Variants in CSMD1 observed in about 807,000 individuals in gnomAD.
CSMD1 encodes CUB and Sushi multiple domains 1.
A neutral mutation model predicts 417.5 loss-of-function variants in CSMD1; 213 were observed. That is an observed-to-expected ratio of 0.51 (90% confidence interval 0.46 to 0.57). CSMD1 has a LOEUF of 0.57. Among genes scored for constraint, CSMD1 ranks in the 20% least tolerant of loss-of-function variants. The pLI is 0.00. For synonymous variants in CSMD1, 2,862 were observed against 1,736.8 expected (o/e 1.65, Z -16.11); for missense variants, 6,923 against 4,529.7 (o/e 1.53, Z -15.17).
At chr8:3,657,789 A>G (rs1798205506) in intron 7 of CSMD1, among the ~76,000 whole-genome samples, 1 of 152,142 alleles carries the variant, frequency 6.6e-6, no homozygotes, top group Non-Finnish European at 1.5e-5. Flanking sequence ...GCACGTGTAT[A>G]ACTATGTAAC....
intron 5 of CSMD1, among the ~76,000 whole-genome samples, chr8:3,863,539 C>T (rs1196106066): frequency 6.6e-6 from 1 of 152,034 alleles, no homozygotes; most frequent in Non-Finnish European, 1.5e-5. Flanking sequence ...TTTAGGAGGA[C>T]ACCAACATTC....
At chr8:4,018,221 T>A (rs1185677151) in intron 4 of CSMD1, among the ~76,000 whole-genome samples, 2 of 152,100 alleles carry the variant, frequency 1.3e-5, no homozygotes, top group Non-Finnish European at 2.9e-5. Context: ...AGAATTATAT[T>A]TTCAGGATTC....
intron 25 of CSMD1, among the ~76,000 whole-genome samples, chr8:3,302,557 G>A (rs6558760): frequency 3.9e-5 from 6 of 152,050 alleles, no homozygotes; most frequent in African/African-American, 4.8e-5. Flanking sequence ...TGCAATTCCC[G>A]TTTTTTAAGA....
At chr8:3,841,377 C>T (rs1005452658) in intron 5 of CSMD1, among the ~76,000 whole-genome samples, 1 of 152,270 alleles carries the variant, frequency 6.6e-6, no homozygotes, top group South Asian at 2.1e-4. Context: ...ATGTGGTTCT[C>T]AACCTCAAGC....
chr8:3,413,193 G>A (rs1478993997), intron 12 of CSMD1, among the ~76,000 whole-genome samples: 2 of 152,206 alleles, frequency 1.3e-5, no homozygotes, highest in Non-Finnish European at 2.9e-5. Flanking sequence ...AGCCTTAAAT[G>A]TTTCATTCTG....
intron 3 of CSMD1, among the ~76,000 whole-genome samples, chr8:4,062,736 A>G (rs1176680626): frequency 1.4e-5 from 2 of 147,686 alleles, no homozygotes; most frequent in African/African-American, 4.9e-5. Context: ...ATCAAATTCA[A>G]AAAAAAAAAA....
At chr8:3,274,143 G>T (rs1340255200) in intron 26 of CSMD1, among the ~76,000 whole-genome samples, 3 of 151,760 alleles carry the variant, frequency 2.0e-5, no homozygotes, top group Non-Finnish European at 4.4e-5. Context: ...GTTCTCGTTG[G>T]TTTCAAAGAA....
In CSMD1 at chr8:3,279,887, C is replaced by G. The variant is rs571335881; in HGVS notation, c.4153+4257G>C. On this transcript the variant is annotated intron_variant, in intron 26 of 69. Coordinates refer to ENST00000635120, the MANE Select transcript of CSMD1 (RefSeq NM_033225.6). ...GCCCTCATGATCCAACCACCTCCAC[C>G]TGGTCCCACCCTTGACACATATGGA... is the stretch of plus-strand genomic sequence containing the variant. Among the ~76,000 whole-genome samples, 9 of 152,300 alleles carry G rather than the reference C, an allele frequency of 5.9e-5. No individual in the cohort carries two copies. In the East Asian group the frequency reaches 1.5e-3, roughly 26 times the overall value.
At chr8:3,400,727 T>G (rs186783185) in intron 15 of CSMD1, among the ~76,000 whole-genome samples, 96 of 151,940 alleles carry the variant, frequency 6.3e-4, no homozygotes, top group Admixed American at 6.0e-3. Context: ...TTTTATTCAG[T>G]GAACACGGCA....
At chr8:4,214,422 T>C (rs992002673) in intron 3 of CSMD1, among the ~76,000 whole-genome samples, 3 of 152,174 alleles carry the variant, frequency 2.0e-5, no homozygotes, top group African/African-American at 7.2e-5. Flanking sequence ...CTCAGGCTTC[T>C]AAGTAGCTGA....
intron 1 of CSMD1, among the ~76,000 whole-genome samples, chr8:4,923,471 T>A (rs1806636951): frequency 1.3e-5 from 2 of 152,332 alleles, no homozygotes; most frequent in South Asian, 4.1e-4. Flanking sequence ...TACATGCCTG[T>A]GTCAAAACAT....
intron 1 of CSMD1, among the ~76,000 whole-genome samples, chr8:4,703,564 T>C (rs1194988972): frequency 6.6e-6 from 1 of 152,192 alleles, no homozygotes; most frequent in Admixed American, 6.5e-5. Flanking sequence ...ATATACAGTA[T>C]AATTATGAAA....
intron 25 of CSMD1, among the ~76,000 whole-genome samples, chr8:3,293,770 C>G (rs1803757064): frequency 6.6e-6 from 1 of 152,176 alleles, no homozygotes; most frequent in African/African-American, 2.4e-5. Flanking sequence ...GCCATGGGTT[C>G]AAACTTCCTC....
At chr8:4,396,368 G>A (rs908840908) in intron 3 of CSMD1, among the ~76,000 whole-genome samples, 2 of 151,892 alleles carry the variant, frequency 1.3e-5, no homozygotes, top group Non-Finnish European at 2.9e-5. Context: ...TCAGGAAGCT[G>A]AGGCAGGAGG....
rs191266120 is a variant in CSMD1, at chr8:3,955,352, C to G, written c.818+42551G>C. Reference sequence around the variant, plus strand: ...CCATGTTACGCCACAGAAACAAAAACCATACATCCCTCATCTTACTGGTTC... The same window carrying G: ...CCATGTTACGCCACAGAAACAAAAAGCATACATCCCTCATCTTACTGGTTC... On this transcript the variant is annotated intron_variant, in intron 5 of 69. Coordinates refer to ENST00000635120, the MANE Select transcript of CSMD1 (RefSeq NM_033225.6). Among the ~76,000 whole-genome samples the G allele has an allele frequency of 3.8e-3, 572 of 152,302 alleles. 3 individuals are homozygous for G. The highest frequency in any genetic ancestry group is 6.5e-3 in the Non-Finnish European group (445 of 68,030).
intron 3 of CSMD1, among the ~76,000 whole-genome samples, chr8:4,056,572 A>T (rs1395056993): frequency 6.6e-6 from 1 of 151,718 alleles, no homozygotes; most frequent in Admixed American, 6.6e-5. Flanking sequence ...TTTAGGGTAC[A>T]TGTGCACAAT....
At chr8:3,582,409 T>G (rs1196004529) in intron 9 of CSMD1, among the ~76,000 whole-genome samples, 1 of 152,176 alleles carries the variant, frequency 6.6e-6, no homozygotes, top group East Asian at 1.9e-4. Context: ...GTTGCCAACC[T>G]GAGGAACTTA....
intron 2 of CSMD1, among the ~76,000 whole-genome samples, chr8:4,480,945 A>T (rs1801067455): frequency 6.6e-6 from 1 of 152,150 alleles, no homozygotes. Context: ...CTAGAAATCT[A>T]CCTATTAACA....
At chr8:3,799,805 T>A (rs918129413) in intron 5 of CSMD1, among the ~76,000 whole-genome samples, 4 of 152,136 alleles carry the variant, frequency 2.6e-5, no homozygotes, top group Non-Finnish European at 5.9e-5. Flanking sequence ...CTATAGTGAA[T>A]ATTACAAATC....
Sources: gnomAD v4.1 joint callset for allele counts (sites outside exome capture counted in the v4.1 genomes callset) on GRCh38, gnomAD v4.1.1 for gene constraint, MANE v1.5 for transcripts, NCBI Gene and HGNC (gene_info 2026-07-23, HGNC 2026-07-21) for gene names.